Variants in CREM observed in about 807,000 individuals in gnomAD.
CREM encodes cAMP-responsive element modulator.
CREM carries 13 observed loss-of-function variants against 37.3 expected under a neutral mutation model. That is an observed-to-expected ratio of 0.35 (90% confidence interval 0.23 to 0.55). The LOEUF (loss-of-function observed/expected upper bound fraction) is 0.55. Among genes scored for constraint, CREM ranks in the 20% least tolerant of loss-of-function variants. The pLI is 0.88. For missense variants in CREM, 296 were observed against 362.3 expected (o/e 0.82, Z 1.49); for synonymous variants, 124 against 120.2 (o/e 1.03, Z -0.21).
intron 2 of CREM, among the ~76,000 whole-genome samples, chr10:35,139,513 CTTGT>C (rs747961810): frequency 2.6e-5 from 4 of 152,122 alleles, no homozygotes; most frequent in East Asian, 1.9e-4. Flanking sequence ...GCTTAGTGGA[CTTGT>C]TTGTTTTCGT....
chr10:35,153,366 T>A (rs2092709480), intron 3 of CREM, among the ~76,000 whole-genome samples: 1 of 152,256 alleles, frequency 6.6e-6, no homozygotes, highest in Non-Finnish European at 1.5e-5. Context: ...CATGTCATTT[T>A]ACTCCTACTT....
intron 3 of CREM, among the ~76,000 whole-genome samples, chr10:35,153,275 T>G (rs2092703897): frequency 6.6e-6 from 1 of 152,114 alleles, no homozygotes; most frequent in Non-Finnish European, 1.5e-5. Flanking sequence ...AAAAAAAGAT[T>G]TTGTAGCACT....
chr10:35,188,801 G>T (rs2094772696), intron 6 of CREM, among the ~76,000 whole-genome samples: 1 of 151,994 alleles, frequency 6.6e-6, no homozygotes, highest in East Asian at 1.9e-4. Context: ...GGGATTACAG[G>T]CATGAGCCAC....
chr10:35,147,332 C>T (rs563540700), intron 2 of CREM, among the ~76,000 whole-genome samples: 12 of 152,100 alleles, frequency 7.9e-5, no homozygotes, highest in South Asian at 2.1e-4. Context: ...GGATTACAGA[C>T]GTGAGCCACC....
At chr10:35,204,402 C>A (rs960912112) in intron 6 of CREM, among the ~76,000 whole-genome samples, 1 of 152,068 alleles carries the variant, frequency 6.6e-6, no homozygotes, top group African/African-American at 2.4e-5. Flanking sequence ...GAGATCAAGA[C>A]CATCCTGGGC....
At chr10:35,132,790 G>A (rs572247672) in intron 1 of CREM, among the ~76,000 whole-genome samples, 5 of 152,230 alleles carry the variant, frequency 3.3e-5, no homozygotes, top group African/African-American at 1.2e-4. Flanking sequence ...CTATATGGCT[G>A]TTTGGAATTA....
rs1391456276 is a variant in CREM at position 35,212,920 on chromosome 10, TA to T, written c.*1527del. 1 of 152,778 alleles carries T rather than the reference TA, an allele frequency of 6.5e-6. No individual in the cohort carries two copies. The highest frequency in any genetic ancestry group is 1.9e-4 in the East Asian group (1 of 5,342). The allele number at this position is 152,778 out of a possible 1,614,324, so 9.5% of individuals were successfully genotyped here. A position where few individuals can be genotyped will look rare whatever the true frequency, so the allele number is the denominator to read the frequency against. Reference sequence around the variant, plus strand: ...TCTATGTTTCATCTTGTTTTTATAATAAAAAGCTTCAGGGAACAAGCCCAAA... The same window carrying T: ...TCTATGTTTCATCTTGTTTTTATAATAAAAGCTTCAGGGAACAAGCCCAAA... On this transcript the variant is annotated 3_prime_UTR_variant, in exon 8 of 8. Transcript: ENST00000685392.
intron 3 of CREM, among the ~76,000 whole-genome samples, chr10:35,161,048 A>G (rs1361961281): frequency 6.6e-6 from 1 of 152,206 alleles, no homozygotes; most frequent in Admixed American, 6.5e-5. Flanking sequence ...AAGTAAAATA[A>G]TAATAAAAAG....
intron 5 of CREM, 137 bp from the exon 6 acceptor site, chr10:35,188,063 C>T: frequency 7.4e-6 from 6 of 808,514 alleles, no homozygotes; most frequent in Non-Finnish European, 1.1e-5. Flanking sequence ...TCTTCCTTCT[C>T]AATTCAGCAT....
At position 35,211,909 on chromosome 10, in the gene CREM, C is replaced by T. The variant is rs1340158632; in HGVS notation, c.*511C>T. The T allele has an allele frequency of 1.2e-5, 13 of 1,108,902 alleles. No homozygotes were observed. Among genetic ancestry groups the T allele is most frequent in the Non-Finnish European group, 1.6e-5 (13 of 814,692 alleles). 68.7% of individuals were successfully genotyped at this position (1,108,902 alleles called of 1,614,324 possible). A position where few individuals can be genotyped will look rare whatever the true frequency, so the allele number is the denominator to read the frequency against. On this transcript the variant is annotated 3_prime_UTR_variant, in exon 8 of 8. Transcript: ENST00000685392. ...TTCTTTTCTTTGTATCATTCATCTT[C>T]TTCTTTAATCACTTAACATTCCTAA...
rs749118475 is a variant in CREM, at chr10:35,188,352, C to A, written c.562C>A (p.Gln188Lys). The A allele has an allele frequency of 6.2e-6, 10 of 1,612,800 alleles. No individual in the cohort carries two copies. Among genetic ancestry groups the A allele is most frequent in the African/African-American group, 1.3e-5 (1 of 74,856 alleles). ...AGCACAATCAGCTGATGGCACACAG[C>A]AGTTCTTTGTCCCAGGCAGCCAGGT... ...YAAQSADGTQ[Q>K]FFVPGSQVVV... Residue 188 changes from glutamine (Q) to lysine (K), a missense_variant, in exon 6 of 8, where the codon CAG becomes AAG. By Grantham distance (53) the Gln-to-Lys change is moderately conservative (BLOSUM62 1). Transcript: ENST00000685392.
intron 2 of CREM, among the ~76,000 whole-genome samples, chr10:35,142,485 G>T (rs930913082): frequency 6.6e-6 from 1 of 152,148 alleles, no homozygotes; most frequent in Non-Finnish European, 1.5e-5. Context: ...GTATAGAAAC[G>T]CAGGGATTGA....
At chr10:35,164,149 A>T (rs374847478) in intron 3 of CREM, among the ~76,000 whole-genome samples, 1 of 152,182 alleles carries the variant, frequency 6.6e-6, no homozygotes. Flanking sequence ...TAATCATTTG[A>T]CCTTTGCTTT....
intron 3 of CREM, among the ~76,000 whole-genome samples, chr10:35,158,817 G>GTTTTTTTTTTTTTTTTTTTTT (rs1491230780): frequency 4.6e-5 from 3 of 65,034 alleles, no homozygotes; most frequent in African/African-American, 1.4e-4. Context: ...TTGTTGTTTT[G>GTTTTTTTTTTTTTTTTTTTTT]TTTGTTTTTT....
rs2095681488 is a variant in CREM at position 35,212,851 on chromosome 10, G to A, written c.*1453G>A. 6.5e-6 allele frequency: 1 copy of A among 152,788 alleles called. No individual in the cohort carries two copies. Among genetic ancestry groups the A allele is most frequent in the East Asian group, 1.9e-4 (1 of 5,318 alleles). 9.5% of individuals were successfully genotyped at this position (152,788 alleles called of 1,614,324 possible). ...ACATTAGATCAGATACTCCGCTGTC[G>A]GCACATTCAGCTGAGGTTCATTACA... On this transcript the variant is annotated 3_prime_UTR_variant, in exon 8 of 8. Coordinates refer to ENST00000685392, the MANE Select transcript of CREM (RefSeq NM_183011.2).
chr10:35,139,877 A>C (rs1282618083), intron 2 of CREM, among the ~76,000 whole-genome samples: 1 of 152,198 alleles, frequency 6.6e-6, no homozygotes, highest in East Asian at 1.9e-4. Flanking sequence ...TACATCATTT[A>C]CAGCTGAGTT....
rs138858950 is a variant in CREM, at chr10:35,162,865, T to A, written c.168+14374T>A. Among the ~76,000 whole-genome samples the A allele has an allele frequency of 7.0e-3, 1,073 of 152,256 alleles. 17 individuals carry two copies. The highest frequency in any genetic ancestry group is 0.024 in the African/African-American group (1,009 of 41,550). On this transcript the variant is annotated intron_variant, in intron 3 of 7. Transcript: ENST00000685392. Reference sequence around the variant, plus strand: ...TGCCCAGTTGTGAGATTAAACACTTTCTTCGGGCACCAGCAAATCATGGCC... The same window carrying A: ...TGCCCAGTTGTGAGATTAAACACTTACTTCGGGCACCAGCAAATCATGGCC...
At chr10:35,128,184 C>T (rs896703495) in intron 1 of CREM, among the ~76,000 whole-genome samples, 3 of 152,116 alleles carry the variant, frequency 2.0e-5, no homozygotes, top group Non-Finnish European at 4.4e-5. Context: ...ATATCAGATA[C>T]CTGAGTTTGA....
Position 35,132,172 on chromosome 10 carries a change from T to G in CREM, c.-55+4979T>G, listed in dbSNP as rs538798302. Among the ~76,000 whole-genome samples the G allele has an allele frequency of 1.4e-3, 193 of 137,698 alleles. 1 individual carries two copies. The highest frequency in any genetic ancestry group is 2.3e-3 in the Non-Finnish European group (151 of 65,960). 90.3% of individuals were successfully genotyped at this position (137,698 alleles called of 152,430 possible). On this transcript the variant is annotated intron_variant, in intron 1 of 7. Coordinates refer to ENST00000685392, the MANE Select transcript of CREM (RefSeq NM_183011.2). ...GCCGAGATCGTGCTACTGCACTCCATCCTGGGTGATAGAGCGAGACTTGAG... is the reference window on the plus strand; with the variant it reads ...GCCGAGATCGTGCTACTGCACTCCAGCCTGGGTGATAGAGCGAGACTTGAG...
Sources: gnomAD v4.1 joint callset for allele counts (sites outside exome capture counted in the v4.1 genomes callset) on GRCh38, gnomAD v4.1.1 for gene constraint, MANE v1.5 for transcripts, NCBI Gene and HGNC (gene_info 2026-07-23, HGNC 2026-07-21) for gene names.